Variants in VSIG10 observed in about 807,000 individuals in gnomAD.
VSIG10 encodes V-set and immunoglobulin domain containing 10.
In VSIG10, 48 loss-of-function variants were observed where a neutral mutation model predicts 58.7. That is an observed-to-expected ratio of 0.82 (90% CI 0.65 to 1.04). The LOEUF is 1.04. Ranked by LOEUF, VSIG10 falls within the 50% of genes least tolerant of loss-of-function variation. The pLI is 0.00. For synonymous variants in VSIG10, 260 were observed against 267.1 expected, an observed-to-expected ratio of 0.97 and a Z score of 0.26; for missense variants, 628 against 670.0, an observed-to-expected ratio of 0.94 and a Z score of 0.69.
chr12:118,076,650 TTCTGATC>T lies in VSIG10; in HGVS notation c.926-2665_926-2659del, dbSNP rs529187085. Among the ~76,000 whole-genome samples, 290 of 151,332 alleles carry T rather than the reference TTCTGATC, an allele frequency of 1.9e-3. 1 individual carries two copies. The highest frequency in any genetic ancestry group is 3.6e-3 in the Non-Finnish European group (242 of 67,756). Reference sequence around the variant, plus strand: ...TACCACATCTGACTGATCCTGGCGCTTCTGATCTCTCTTACCTTTCCCTTTTTTTTGT... The same window carrying T: ...TACCACATCTGACTGATCCTGGCGCTTCTCTTACCTTTCCCTTTTTTTTGT... On this transcript the variant is annotated intron_variant, in intron 4 of 8. Transcript: ENST00000359236.
chr12:118,088,827 T>C (rs2033209597), intron 2 of VSIG10, among the ~76,000 whole-genome samples: 1 of 152,212 alleles, frequency 6.6e-6, no homozygotes, highest in Non-Finnish European at 1.5e-5. Flanking sequence ...ACCCCATGTA[T>C]TTCCACGTGA....
chr12:118,088,887 G>T (rs1355859206), intron 2 of VSIG10, among the ~76,000 whole-genome samples: 1 of 151,854 alleles, frequency 6.6e-6, no homozygotes, highest in African/African-American at 2.4e-5. Context: ...ACATGCACAG[G>T]ACTTCCCTGG....
chr12:118,099,289 T>C (rs2033560174), intron 1 of VSIG10, among the ~76,000 whole-genome samples: 1 of 151,872 alleles, frequency 6.6e-6, no homozygotes, highest in Non-Finnish European at 1.5e-5. Context: ...TGTTTTTTTC[T>C]TTTTTAGAGA....
Position 118,073,876 on chromosome 12 carries a change from G to C in VSIG10, c.1042C>G (p.Leu348Val). The C allele has an allele frequency of 6.2e-7, 1 of 1,613,940 alleles. No homozygotes were observed. Among genetic ancestry groups the C allele is most frequent in the Non-Finnish European group, 8.5e-7 (1 of 1,179,884 alleles). ...PPAKILWLRN[L>V]TQPEVIIQPS... is the part of the protein sequence containing the mutation. ...TGGATGATCACCTCGGGCTGGGTAA[G>C]GTTCCTCAGCCACAGGATCTTGGCA... Residue 348 changes from leucine (L) to valine (V), a missense_variant, in exon 5 of 9, where the codon CTT becomes GTT. By Grantham distance (32) the Leu-to-Val change is conservative. Transcript: ENST00000359236.
chr12:118,085,928 G>T (rs972409845), intron 2 of VSIG10, among the ~76,000 whole-genome samples: 18 of 150,856 alleles, frequency 1.2e-4, no homozygotes, highest in African/African-American at 4.4e-4. Flanking sequence ...AGCCCAAGGC[G>T]TGTGGATCAC....
intron 4 of VSIG10, among the ~76,000 whole-genome samples, chr12:118,075,172 GTA>G (rs1331185645): frequency 4.9e-5 from 6 of 121,952 alleles, no homozygotes; most frequent in African/African-American, 1.9e-4. Context: ...GTATATATAT[GTA>G]TATATGTGTG....
chr12:118,066,828 G>C (rs1484020443), intron 8 of VSIG10, 134 bp from the exon 9 acceptor site: 7 of 954,220 alleles, frequency 7.3e-6, no homozygotes, highest in Non-Finnish European at 1.1e-5. Flanking sequence ...GGAGAAGGTA[G>C]GGCAGCGTGT....
intron 2 of VSIG10, among the ~76,000 whole-genome samples, chr12:118,091,076 A>G (rs1295632641): frequency 2.0e-5 from 3 of 151,916 alleles, no homozygotes; most frequent in Non-Finnish European, 4.4e-5. Context: ...CAGAGGTTGC[A>G]GTGAGCCAAG....
In VSIG10 at chr12:118,068,434, T is replaced by C. The variant is rs1264758217; in HGVS notation, c.1510A>G (p.Thr504Ala). ...IPKQDHIHRV[T>A]ALVNGNIEQM... The stretch of plus-strand genomic sequence containing the variant: ...TCTATGTTCCCATTCACCAAGGCGG[T>C]CACTCTGTGAATGTGGTCCTGCTTA... The change falls in exon 8 of 9, where the codon ACC becomes GCC. Residue 504 changes from threonine to alanine, a missense_variant. Physicochemically the swap from Thr to Ala is moderately conservative, Grantham distance 58. Transcript: ENST00000359236. 7 of 1,613,664 alleles carry C rather than the reference T, an allele frequency of 4.3e-6. No homozygotes were observed. Among genetic ancestry groups the C allele is most frequent in the Admixed American group, 3.3e-5 (2 of 59,956 alleles).
intron 4 of VSIG10, among the ~76,000 whole-genome samples, chr12:118,074,259 T>G (rs1180264213): frequency 6.6e-6 from 1 of 152,062 alleles, no homozygotes; most frequent in African/African-American, 2.4e-5. Flanking sequence ...AATTTTTGTA[T>G]TTTTAGTAGA....
chr12:118,086,946 A>G (rs960896489), intron 2 of VSIG10, among the ~76,000 whole-genome samples: 3 of 152,130 alleles, frequency 2.0e-5, no homozygotes, highest in African/African-American at 7.2e-5. Context: ...TATTTTTAAT[A>G]GAAATGGGGT....
chr12:118,077,889 C>T (rs1054084569), intron 4 of VSIG10, among the ~76,000 whole-genome samples: 4 of 152,162 alleles, frequency 2.6e-5, no homozygotes, highest in African/African-American at 9.7e-5. Flanking sequence ...ACATACAGAG[C>T]CAAGACAAAC....
At chr12:118,087,855 A>AAGAGAG (rs1555273648) in intron 2 of VSIG10, among the ~76,000 whole-genome samples, 1 of 131,238 alleles carries the variant, frequency 7.6e-6, no homozygotes, top group African/African-American at 2.6e-5. Context: ...AAAAAAAAAA[A>AAGAGAG]AGAGAGAGAA....
intron 1 of VSIG10, 24 bp downstream of exon 1, chr12:118,103,569 T>G: frequency 1.3e-6 from 2 of 1,507,778 alleles, no homozygotes; most frequent in Non-Finnish European, 1.8e-6. Flanking sequence ...ACTCAACTTT[T>G]CCCTCCAGAT....
intron 2 of VSIG10, among the ~76,000 whole-genome samples, chr12:118,085,534 C>CAT (rs2033096101): frequency 6.6e-6 from 1 of 152,172 alleles, no homozygotes. Context: ...TCCTCAAATG[C>CAT]ATATATAAGA....
At chr12:118,082,037 A>AAAGAAAAATGGGAGAGGC in intron 3 of VSIG10, 90 bp downstream of exon 3, 1 of 1,299,144 alleles carries the variant, frequency 7.7e-7, no homozygotes, top group Non-Finnish European at 1.0e-6. Flanking sequence ...AAAAAAAAAA[A>AAAGAAAAATGGGAGAGGC]AGACAAATGG....
At chr12:118,085,695 C>G (rs1463412971) in intron 2 of VSIG10, among the ~76,000 whole-genome samples, 1 of 136,610 alleles carries the variant, frequency 7.3e-6, no homozygotes, top group Non-Finnish European at 1.6e-5. Flanking sequence ...AACCCTGCCT[C>G]TACTAAAAAT....
chr12:118,103,912 C>T lies in VSIG10; in HGVS notation c.-241G>A. On this transcript the variant is annotated 5_prime_UTR_variant, in exon 1 of 9. Coordinates refer to ENST00000359236, the MANE Select transcript of VSIG10 (RefSeq NM_019086.6). ...GCGCCCTGGCCGGGGAGGGAGGGCG[C>T]ACCCCGCCCCCTGCGCCCGCCAGCC... 1 of 408,380 alleles carries T rather than the reference C, an allele frequency of 2.4e-6. No individual in the cohort carries two copies. Among genetic ancestry groups the T allele is most frequent in the Non-Finnish European group, 4.3e-6 (1 of 230,254 alleles). The allele number at this position is 408,380 out of a possible 1,614,324, so 25.3% of individuals were successfully genotyped here.
Position 118,066,245 on chromosome 12 carries a change from CAAAA to C in VSIG10, c.*390_*393del, listed in dbSNP as rs35019751. ...TGGGCAATAGAGGGAGACTCCGTCT[CAAAA>C]AAAAAAAAAAAAAAAAAAAAAAGCG... On this transcript the variant is annotated 3_prime_UTR_variant, in exon 9 of 9. Coordinates refer to ENST00000359236, the MANE Select transcript of VSIG10 (RefSeq NM_019086.6). 3.1e-3 allele frequency: 123 copies of C among 40,178 alleles called. No individual in the cohort carries two copies. Among genetic ancestry groups the C allele is most frequent in the Middle Eastern group, 0.018 (1 of 56 alleles). 2.5% of individuals were successfully genotyped at this position (40,178 alleles called of 1,614,324 possible).
Sources: gnomAD v4.1 joint callset for allele counts (sites outside exome capture counted in the v4.1 genomes callset) on GRCh38, gnomAD v4.1.1 for gene constraint, MANE v1.5 for transcripts, NCBI Gene and HGNC (gene_info 2026-07-23, HGNC 2026-07-21) for gene names.